The following SDF2 variants were observed in gnomAD, a reference collection of about 807,000 sequenced individuals.
The protein encoded by SDF2 is stromal cell derived factor 2, also known as stromal cell-derived factor 2.
SDF2 carries 12 observed loss-of-function variants against 20.5 expected under a neutral mutation model. The observed-to-expected ratio is 0.58, with a 90% CI of 0.37 to 0.95. SDF2 has a LOEUF of 0.95. Among genes scored for constraint, SDF2 ranks in the 40% least tolerant of loss-of-function variants. The pLI is 0.01. For synonymous variants in SDF2, 100 were observed against 101.0 expected (o/e 0.99, Z 0.06); for missense variants, 238 against 263.1 (o/e 0.90, Z 0.66).
intron 2 of SDF2, among the ~76,000 whole-genome samples, chr17:28,649,770 T>TGGG (rs1458170374): frequency 6.7e-6 from 1 of 149,828 alleles, no homozygotes; most frequent in East Asian, 2.0e-4. Flanking sequence ...AGAAATTAGC[T>TGGG]GGGCATGGTG....
chr17:28,651,779 A>AGTGT lies in SDF2; in HGVS notation c.349-2507_349-2504dup, dbSNP rs34854649. On this transcript the variant is annotated intron_variant, in intron 2 of 2. Transcript: ENST00000247020. Reference sequence around the variant, plus strand: ...TTAAAAAATTACTGATTATTTCAGAAGTGTGTGTGTGTGTGTGTGTGTACA... The same window carrying AGTGT: ...TTAAAAAATTACTGATTATTTCAGAAGTGTGTGTGTGTGTGTGTGTGTGTGTACA... Among the ~76,000 whole-genome samples the AGTGT allele has an allele frequency of 5.5e-3, 826 of 150,308 alleles. 3 individuals are homozygous for AGTGT. Among genetic ancestry groups the AGTGT allele is most frequent in the African/African-American group, 7.6e-3 (311 of 41,094 alleles).
chr17:28,655,717 C>T lies in SDF2; in HGVS notation c.152-234G>A, dbSNP rs1265172258. 7 of 589,018 alleles carry T rather than the reference C, an allele frequency of 1.2e-5. No individual in the cohort carries two copies. In the South Asian group the frequency reaches 1.6e-4, roughly 13 times the overall value. The allele number at this position is 589,018 out of a possible 1,614,324, so 36.5% of individuals were successfully genotyped here. On this transcript the variant is annotated intron_variant, in intron 1 of 2. Transcript: ENST00000247020. The stretch of plus-strand genomic sequence containing the variant: ...CCTGCAAAGCTGCCAAAGCCTTAGA[C>T]AAGGGCCAAGCCCATCTTTGCGTGC...
At chr17:28,654,704 C>T (rs1029505418) in intron 2 of SDF2, among the ~76,000 whole-genome samples, 3 of 152,028 alleles carry the variant, frequency 2.0e-5, no homozygotes, top group African/African-American at 7.3e-5. Flanking sequence ...GTAATCCCAG[C>T]ACTTTGGGAG....
intron 1 of SDF2, 119 bp downstream of exon 1, chr17:28,661,607 G>A: frequency 9.2e-7 from 1 of 1,086,068 alleles, no homozygotes; most frequent in South Asian, 1.5e-5. Flanking sequence ...TAGACCTGAG[G>A]AACCTTCCCA....
intron 1 of SDF2, among the ~76,000 whole-genome samples, chr17:28,660,230 C>T (rs2072011480): frequency 6.6e-6 from 1 of 152,144 alleles, no homozygotes; most frequent in Non-Finnish European, 1.5e-5. Flanking sequence ...CAGAGGGAGA[C>T]CGTGGAAAGA....
chr17:28,660,905 G>T, intron 1 of SDF2: 1 of 155,418 alleles, frequency 6.4e-6, no homozygotes, highest in Non-Finnish European at 1.4e-5. Flanking sequence ...TTTTTTTTCA[G>T]GCAGATAAGA....
intron 2 of SDF2, among the ~76,000 whole-genome samples, chr17:28,652,005 A>G (rs1242447488): frequency 6.6e-6 from 1 of 152,138 alleles, no homozygotes; most frequent in East Asian, 1.9e-4. Context: ...TTACAGCTAA[A>G]GACATCAATA....
intron 1 of SDF2, 88 bp downstream of exon 1, chr17:28,661,638 G>A (rs1296729781): frequency 2.1e-6 from 3 of 1,442,378 alleles, no homozygotes; most frequent in African/African-American, 1.4e-5. Context: ...AACTTTCCCA[G>A]ACCACACTGT....
chr17:28,649,751 A>G (rs1411258263), intron 2 of SDF2, among the ~76,000 whole-genome samples: 1 of 150,260 alleles, frequency 6.7e-6, no homozygotes, highest in Non-Finnish European at 1.5e-5. Flanking sequence ...AAAAAAAGAA[A>G]AAAAAAAAAG....
chr17:28,661,487 T>G (rs142902052), intron 1 of SDF2, among the ~76,000 whole-genome samples: 1 of 152,174 alleles, frequency 6.6e-6, no homozygotes, highest in East Asian at 1.9e-4. Flanking sequence ...CTTACAACAA[T>G]GTTAATAATC....
intron 2 of SDF2, among the ~76,000 whole-genome samples, 200 bp from the exon 3 acceptor site, chr17:28,649,476 T>C (rs373252401): frequency 3.2e-4 from 49 of 151,344 alleles, no homozygotes; most frequent in African/African-American, 1.1e-3. Flanking sequence ...CTGGGCAACA[T>C]GGTGAAACGC....
chr17:28,659,893 T>C (rs2072007406), intron 1 of SDF2, among the ~76,000 whole-genome samples: 1 of 152,202 alleles, frequency 6.6e-6, no homozygotes, highest in Non-Finnish European at 1.5e-5. Context: ...GGCAGGCGGC[T>C]GGGAGGTGGA....
At chr17:28,660,574 T>A (rs564392745) in intron 1 of SDF2, 1 of 152,332 alleles carries the variant, frequency 6.6e-6, no homozygotes, top group Non-Finnish European at 1.5e-5. Flanking sequence ...GCCAAGCCTC[T>A]GTCCACCTCC....
chr17:28,649,293 G>C lies in SDF2; in HGVS notation c.349-17C>G. ...ACTCACTTCCTAGAAAATACAGAAG[G>C]TAGTAACATCAGCATGGCTGACAAG... On this transcript the variant is annotated splice_polypyrimidine_tract_variant and intron_variant, in intron 2 of 2. Coordinates refer to ENST00000247020, the MANE Select transcript of SDF2 (RefSeq NM_006923.4). 1 of 1,610,280 alleles carries C rather than the reference G, an allele frequency of 6.2e-7. No individual in the cohort carries two copies. Among genetic ancestry groups the C allele is most frequent in the Non-Finnish European group, 8.5e-7 (1 of 1,178,372 alleles).
intron 1 of SDF2, chr17:28,661,328 T>G (rs1002904218): frequency 8.6e-6 from 3 of 350,378 alleles, no homozygotes; most frequent in African/African-American, 6.4e-5. Flanking sequence ...TACTGTAATT[T>G]TCTTGTCTCT....
upstream of SDF2, chr17:28,661,956 G>A: frequency 6.6e-7 from 1 of 1,505,516 alleles, no homozygotes; most frequent in Non-Finnish European, 9.1e-7. Context: ...GCGAAACCAC[G>A]GAGAGAAGGA....
At chr17:28,649,493 T>TA (rs1158029866) in intron 2 of SDF2, among the ~76,000 whole-genome samples, 3 of 151,368 alleles carry the variant, frequency 2.0e-5, no homozygotes, top group Non-Finnish European at 3.0e-5. Context: ...ACGCTATCCC[T>TA]AAAAAAAATA....
rs748195621 is a variant in SDF2, at chr17:28,655,549, C to T, written c.152-66G>A. ...TGGACAACATGCTCAGAGACAGAAG[C>T]TTGAGTGCGCTCAAGATTCACCTTC... On this transcript the variant is annotated intron_variant, in intron 1 of 2. Transcript: ENST00000247020. 178 of 1,383,016 alleles carry T rather than the reference C, an allele frequency of 1.3e-4. 1 individual carries two copies. The highest frequency in any genetic ancestry group is 4.3e-5 in the Admixed American group (2 of 46,086). 85.7% of individuals were successfully genotyped at this position (1,383,016 alleles called of 1,614,324 possible). A position where few individuals can be genotyped will look rare whatever the true frequency, so the allele number is the denominator to read the frequency against.
intron 2 of SDF2, among the ~76,000 whole-genome samples, chr17:28,649,792 T>C (rs1406038953): frequency 1.3e-5 from 2 of 149,858 alleles, no homozygotes; most frequent in African/African-American, 4.9e-5. Flanking sequence ...CACATGCCTA[T>C]GGTACCCAGC....
Sources: gnomAD v4.1 joint callset for allele counts (sites outside exome capture counted in the v4.1 genomes callset) on GRCh38, gnomAD v4.1.1 for gene constraint, MANE v1.5 for transcripts, NCBI Gene and HGNC (gene_info 2026-07-23, HGNC 2026-07-21) for gene names.